The following POFUT3 variants were observed in gnomAD, a reference collection of about 807,000 sequenced individuals.
The protein encoded by POFUT3 is protein O-fucosyltransferase 3.
the POFUT3 span, among the ~76,000 whole-genome samples, chr8:33,334,669 G>A: frequency 2.0e-5 from 3 of 152,208 alleles, no homozygotes; most frequent in Admixed American, 6.5e-5. Context: ...GAGCTAAACA[G>A]AAGATCTCCG....
chr8:33,334,651 C>A, the POFUT3 span, among the ~76,000 whole-genome samples: 10 of 152,208 alleles, frequency 6.6e-5, no homozygotes, highest in Non-Finnish European at 1.3e-4. Context: ...AGGTAATATA[C>A]AGTTCTAGAG....
chr8:33,377,708 G>C, the POFUT3 span: 1 of 152,204 alleles, frequency 6.6e-6, no homozygotes, highest in African/African-American at 2.4e-5. Context: ...AGTTTTAGAA[G>C]TAACTTAAGT....
At chr8:33,441,432 G>C in the POFUT3 span, among the ~76,000 whole-genome samples, 1 of 144,182 alleles carries the variant, frequency 6.9e-6, no homozygotes, top group Non-Finnish European at 1.5e-5. Flanking sequence ...CCAGGCTGGA[G>C]TGCAATGGTA....
At chr8:33,343,803 C>T in the POFUT3 span, among the ~76,000 whole-genome samples, 1 of 152,204 alleles carries the variant, frequency 6.6e-6, no homozygotes, top group African/African-American at 2.4e-5. Flanking sequence ...GGAGCAGAAA[C>T]TCACACACGT....
chr8:33,324,028 C>T, the POFUT3 span, among the ~76,000 whole-genome samples: 2 of 152,164 alleles, frequency 1.3e-5, no homozygotes, highest in East Asian at 1.9e-4. Context: ...GGAAGGAATG[C>T]CCTGCCCTAT....
At chr8:33,413,808 T>C in the POFUT3 span, among the ~76,000 whole-genome samples, 24 of 152,266 alleles carry the variant, frequency 1.6e-4, no homozygotes, top group East Asian at 3.9e-3. Context: ...TAAAGATACA[T>C]ATACCATAAG....
chr8:33,386,486 A>G, the POFUT3 span, among the ~76,000 whole-genome samples: 1 of 152,182 alleles, frequency 6.6e-6, no homozygotes, highest in African/African-American at 2.4e-5. Context: ...TTCTGTTAGA[A>G]CTGCAGGAAT....
At chr8:33,391,952 T>C in the POFUT3 span, among the ~76,000 whole-genome samples, 1 of 152,088 alleles carries the variant, frequency 6.6e-6, no homozygotes, top group East Asian at 1.9e-4. Flanking sequence ...GATGCAGAGC[T>C]GGGAAGCAGA....
At chr8:33,361,649 C>T in the POFUT3 span, among the ~76,000 whole-genome samples, 2 of 152,146 alleles carry the variant, frequency 1.3e-5, no homozygotes, top group Non-Finnish European at 1.5e-5. Context: ...CCATTCATTG[C>T]TATATCCCAT....
the POFUT3 span, among the ~76,000 whole-genome samples, chr8:33,396,624 T>C: frequency 6.6e-6 from 1 of 152,162 alleles, no homozygotes; most frequent in African/African-American, 2.4e-5. Flanking sequence ...AAGGAAAAAT[T>C]GAAAATCAGA....
At chr8:33,441,659 G>A in the POFUT3 span, among the ~76,000 whole-genome samples, 20 of 152,142 alleles carry the variant, frequency 1.3e-4, no homozygotes, top group African/African-American at 4.6e-4. Flanking sequence ...GGGATTACAG[G>A]CACGAGCCAC....
At chr8:33,412,167 A>G in the POFUT3 span, among the ~76,000 whole-genome samples, 1 of 152,198 alleles carries the variant, frequency 6.6e-6, no homozygotes, top group Non-Finnish European at 1.5e-5. Context: ...AAAATCCTCA[A>G]TGTAAGTAAA....
At chr8:33,440,292 T>C in the POFUT3 span, among the ~76,000 whole-genome samples, 68 of 152,068 alleles carry the variant, frequency 4.5e-4, no homozygotes, top group African/African-American at 1.6e-3. Flanking sequence ...AGCCTGGGAG[T>C]TCCAGCCTGC....
the POFUT3 span, among the ~76,000 whole-genome samples, chr8:33,366,882 G>A: frequency 1.3e-5 from 2 of 152,124 alleles, no homozygotes; most frequent in African/African-American, 4.8e-5. Context: ...AGCACTGTGA[G>A]ACTCCTGTTA....
chr8:33,436,814 A>G, the POFUT3 span: 1 of 454,352 alleles, frequency 2.2e-6, no homozygotes, highest in Non-Finnish European at 4.0e-6. Flanking sequence ...TAGAATCAGG[A>G]TGTCCATGTG....
the POFUT3 span, among the ~76,000 whole-genome samples, chr8:33,342,362 A>G: frequency 6.6e-6 from 1 of 151,966 alleles, no homozygotes; most frequent in African/African-American, 2.4e-5. Flanking sequence ...GTCCCCCCAC[A>G]AAAAAAGAAA....
the POFUT3 span, among the ~76,000 whole-genome samples, chr8:33,407,334 T>C: frequency 0.34 from 51,824 of 151,972 alleles, 9,225 homozygotes; most frequent in African/African-American, 0.44. Context: ...ACTGGCTGGA[T>C]TTGAAAAATT....
At chr8:33,387,743 G>C in the POFUT3 span, among the ~76,000 whole-genome samples, 1 of 152,178 alleles carries the variant, frequency 6.6e-6, no homozygotes, top group Non-Finnish European at 1.5e-5. Context: ...GGTGGAGGTT[G>C]CAGTGAGCTG....
chr8:33,456,705 C>T, the POFUT3 span, among the ~76,000 whole-genome samples: 1 of 151,880 alleles, frequency 6.6e-6, no homozygotes, highest in African/African-American at 2.4e-5. Flanking sequence ...GATAAATGAC[C>T]CAGTTTTTAA....
Sources: allele counts gnomAD v4.1 joint callset (sites outside exome capture counted in the v4.1 genomes callset), GRCh38; gene constraint gnomAD v4.1.1; transcripts MANE v1.5; gene names NCBI Gene and HGNC (gene_info 2026-07-23, HGNC 2026-07-21).